Variants in RTL4 observed in about 807,000 individuals in gnomAD.
RTL4 encodes retrotransposon Gag like 4.
RTL4 carries 4 observed loss-of-function variants against 5.3 expected under a neutral mutation model. The observed-to-expected ratio is 0.75, with a 90% CI of 0.37 to 1.72. The LOEUF (loss-of-function observed/expected upper bound fraction) is 1.72. Among genes scored for constraint, RTL4 ranks in the 40% most tolerant of loss-of-function variants. The pLI, the probability that RTL4 is intolerant of heterozygous loss-of-function variation, is 0.04. For synonymous variants in RTL4, 98 were observed against 87.3 expected, an observed-to-expected ratio of 1.12 and a Z score of -0.68; for missense variants, 260 against 227.1, an observed-to-expected ratio of 1.14 and a Z score of -0.93.
At chrX:112,269,768 T>C in the RTL4 span, among the ~76,000 whole-genome samples, 6 of 112,020 alleles carry the variant, frequency 5.4e-5, no homozygotes, top group Admixed American at 9.5e-5. Context: ...TTCTTTGATC[T>C]CAGTCCTCAA....
chrX:112,319,010 C>T, the RTL4 span, among the ~76,000 whole-genome samples: 1 of 111,451 alleles, frequency 9.0e-6, no homozygotes, highest in Non-Finnish European at 1.9e-5. Context: ...ACTGAGATTT[C>T]CTACATGGGA....
At chrX:112,336,090 C>T in the RTL4 span, among the ~76,000 whole-genome samples, 3 of 110,836 alleles carry the variant, frequency 2.7e-5, no homozygotes, top group Non-Finnish European at 5.7e-5. Flanking sequence ...CCACTGCACC[C>T]GGCCAAAATC....
the RTL4 span, among the ~76,000 whole-genome samples, chrX:112,225,935 G>A: frequency 1.8e-5 from 2 of 111,802 alleles, no homozygotes; most frequent in East Asian, 5.6e-4. Flanking sequence ...CTTATTTGTA[G>A]CAGTTGCCTA....
the RTL4 span, among the ~76,000 whole-genome samples, chrX:112,119,049 G>T: frequency 9.6e-6 from 1 of 104,411 alleles, no homozygotes; most frequent in Non-Finnish European, 2.0e-5. Context: ...GTAGAGACGG[G>T]GTTTCGCCAT....
the RTL4 span, among the ~76,000 whole-genome samples, chrX:112,109,089 A>C: frequency 9.0e-6 from 1 of 111,422 alleles, no homozygotes; most frequent in African/African-American, 3.3e-5. Context: ...CCTCTCTTTA[A>C]TGTGTCTTTT....
chrX:112,245,947 G>C, the RTL4 span, among the ~76,000 whole-genome samples: 1 of 112,638 alleles, frequency 8.9e-6, no homozygotes, highest in Admixed American at 9.4e-5. Flanking sequence ...CCTTCTAACA[G>C]TCAGGTCCCT....
the RTL4 span, among the ~76,000 whole-genome samples, chrX:112,169,053 T>TTTCTTTCTTTCTTCTTTC: frequency 1.3e-4 from 5 of 37,223 alleles, no homozygotes; most frequent in Admixed American, 4.8e-4. Flanking sequence ...TCTTTCTTTC[T>TTTCTTTCTTTCTTCTTTC]TTCTTTCTTT....
At chrX:112,429,642 T>G in the RTL4 span, among the ~76,000 whole-genome samples, 1 of 111,769 alleles carries the variant, frequency 8.9e-6, no homozygotes, top group Admixed American at 9.5e-5. Flanking sequence ...ACTTTTCTAA[T>G]ACTCTTCCTT....
chrX:112,086,966 G>A, the RTL4 span, among the ~76,000 whole-genome samples: 6 of 112,180 alleles, frequency 5.3e-5, no homozygotes, highest in African/African-American at 1.9e-4. Context: ...TAAAAGATGT[G>A]TAAACAGAGC....
the RTL4 span, among the ~76,000 whole-genome samples, chrX:112,147,195 A>C: frequency 9.1e-6 from 1 of 109,874 alleles, no homozygotes; most frequent in Middle Eastern, 4.7e-3. Context: ...CTCAAACAAA[A>C]GTAAGTACAG....
the RTL4 span, among the ~76,000 whole-genome samples, chrX:112,335,919 T>A: frequency 9.1e-6 from 1 of 109,862 alleles, no homozygotes; most frequent in African/African-American, 3.3e-5. Context: ...CTCGGCTCAC[T>A]GCAAGCTCCG....
chrX:112,450,302 C>A (rs1344047826), upstream of RTL4, among the ~76,000 whole-genome samples: 2 of 112,168 alleles, frequency 1.8e-5, no homozygotes, highest in Admixed American at 9.4e-5. Flanking sequence ...AATAATTTAC[C>A]AAACCCATTT....
chrX:112,366,120 G>A, the RTL4 span, among the ~76,000 whole-genome samples: 6 of 111,223 alleles, frequency 5.4e-5, no homozygotes, highest in East Asian at 2.9e-4. Flanking sequence ...AGTTATGACC[G>A]TTGAGGCAGT....
chrX:112,153,207 C>A, the RTL4 span, among the ~76,000 whole-genome samples: 9 of 112,039 alleles, frequency 8.0e-5, no homozygotes, highest in East Asian at 2.5e-3. Context: ...ATCTCTAGTA[C>A]TGGATGATGA....
upstream of RTL4, among the ~76,000 whole-genome samples, chrX:112,450,062 C>A (rs778661447): frequency 8.9e-6 from 1 of 112,253 alleles, no homozygotes; most frequent in African/African-American, 3.2e-5. Context: ...TACAACTGCT[C>A]TGGGTAGTTG....
At chrX:112,176,090 C>G in the RTL4 span, among the ~76,000 whole-genome samples, 67 of 110,854 alleles carry the variant, frequency 6.0e-4, no homozygotes, top group Middle Eastern at 4.6e-3. Context: ...CAATAACAGA[C>G]AAACAGAGAG....
At chrX:112,190,207 T>TTTCTTTCTTTCTTTCTTTC in the RTL4 span, among the ~76,000 whole-genome samples, 2 of 99,099 alleles carry the variant, frequency 2.0e-5, no homozygotes, top group Admixed American at 1.2e-4. Context: ...TTTCTTTCTT[T>TTTCTTTCTTTCTTTCTTTC]TTTCTATACC....
At chrX:112,259,257 T>C in the RTL4 span, among the ~76,000 whole-genome samples, 1 of 111,672 alleles carries the variant, frequency 9.0e-6, no homozygotes, top group African/African-American at 3.2e-5. Context: ...CAGTGTATCT[T>C]TCTATTTGTG....
At chrX:112,183,742 A>G in the RTL4 span, among the ~76,000 whole-genome samples, 44 of 111,922 alleles carry the variant, frequency 3.9e-4, no homozygotes, top group African/African-American at 1.3e-3. Flanking sequence ...GCAGCAAACC[A>G]CCATGGCACA....
Sources: gnomAD v4.1 joint callset for allele counts (sites outside exome capture counted in the v4.1 genomes callset) on GRCh38, gnomAD v4.1.1 for gene constraint, MANE v1.5 for transcripts, NCBI Gene and HGNC (gene_info 2026-07-23, HGNC 2026-07-21) for gene names.